Variants in NSD3 observed in about 807,000 individuals in gnomAD.
NSD3 encodes the protein histone-lysine N-methyltransferase NSD3.
Under a neutral mutation model 160.8 loss-of-function variants are expected in NSD3, and 24 were observed. That is an observed-to-expected ratio of 0.15 (90% CI 0.11 to 0.21). NSD3 has a LOEUF of 0.21. Ranked by LOEUF, NSD3 falls within the 10% of genes least tolerant of loss-of-function variation. The probability of loss-of-function intolerance (pLI) is 1.00; values close to 1 mark genes in which losing one functional copy is unlikely to be tolerated. For missense variants in NSD3, 1,157 were observed against 1,735.9 expected, an observed-to-expected ratio of 0.67 and a Z score of 5.93; for synonymous variants, 520 against 600.0, an observed-to-expected ratio of 0.87 and a Z score of 1.95.
intron 12 of NSD3, among the ~76,000 whole-genome samples, chr8:38,309,336 T>C (rs900968817): frequency 1.1e-4 from 16 of 151,972 alleles, no homozygotes; most frequent in African/African-American, 3.6e-4. Context: ...GGCGTGGTGG[T>C]GTGTGCTTGT....
intron 19 of NSD3, among the ~76,000 whole-genome samples, chr8:38,285,203 C>T (rs1225102886): frequency 4.6e-5 from 7 of 151,492 alleles, no homozygotes; most frequent in Non-Finnish European, 7.4e-5. Context: ...AAGGCTGTCA[C>T]TCAATATTTA....
At chr8:38,278,195 C>T (rs1163553495) in intron 22 of NSD3, 111 bp downstream of exon 22, 2 of 836,434 alleles carry the variant, frequency 2.4e-6, no homozygotes, top group Non-Finnish European at 3.6e-6. Flanking sequence ...GCCTTGGCCT[C>T]CCAAAGTGCT....
intron 1 of NSD3, among the ~76,000 whole-genome samples, chr8:38,375,075 C>T (rs1811356887): frequency 6.6e-6 from 1 of 152,022 alleles, no homozygotes; most frequent in East Asian, 1.9e-4. Flanking sequence ...TTTAAAAAGC[C>T]AAGTTATTCT....
chr8:38,291,757 G>T (rs1039934132), intron 16 of NSD3, among the ~76,000 whole-genome samples: 1 of 152,164 alleles, frequency 6.6e-6, no homozygotes, highest in Non-Finnish European at 1.5e-5. Context: ...CTTCACTAAC[G>T]TCAGTTAGGA....
intron 1 of NSD3, among the ~76,000 whole-genome samples, chr8:38,350,936 A>G (rs1211910174): frequency 6.6e-6 from 1 of 151,208 alleles, no homozygotes; most frequent in East Asian, 1.9e-4. Flanking sequence ...TCCATATAAT[A>G]TTTTGATAAT....
At chr8:38,370,170 G>A (rs374200391) in intron 1 of NSD3, among the ~76,000 whole-genome samples, 10 of 152,188 alleles carry the variant, frequency 6.6e-5, no homozygotes, top group African/African-American at 2.2e-4. Flanking sequence ...TCGGGGGGAA[G>A]GTCAATTAGA....
At chr8:38,311,178 G>A (rs1809526340) in intron 12 of NSD3, among the ~76,000 whole-genome samples, 1 of 150,430 alleles carries the variant, frequency 6.6e-6, no homozygotes, top group Non-Finnish European at 1.5e-5. Flanking sequence ...GCTCCCCAGT[G>A]TGCTAGGATT....
chr8:38,356,176 C>G (rs1056736572), intron 1 of NSD3, among the ~76,000 whole-genome samples: 6 of 152,094 alleles, frequency 3.9e-5, no homozygotes, highest in African/African-American at 1.4e-4. Context: ...ATAAATTCAT[C>G]CTCTGAACAA....
Position 38,289,503 on chromosome 8 carries a change from G to A in NSD3, c.3121C>T (p.Leu1041=). The A allele has an allele frequency of 6.2e-7, 1 of 1,612,856 alleles. No homozygotes were observed. Among genetic ancestry groups the A allele is most frequent in the South Asian group, 1.1e-5 (1 of 90,864 alleles). Reference sequence around the variant, plus strand: ...TGGAAACGTTTTGCAGCTTCTTCCAGTGCTGCCAATAAGATGATACAAAGT... The same window carrying A: ...TGGAAACGTTTTGCAGCTTCTTCCAATGCTGCCAATAAGATGATACAAAGT... ...TSINKTFKKA[L]EEAAKRFQEL... Residue 1041 remains leucine (L), a splice_region_variant and synonymous_variant, in exon 18 of 24, where the codon CTG becomes TTG. Coordinates refer to ENST00000317025, the MANE Select transcript of NSD3 (RefSeq NM_023034.2).
At chr8:38,345,060 G>A (rs1810479439) in intron 2 of NSD3, among the ~76,000 whole-genome samples, 1 of 152,114 alleles carries the variant, frequency 6.6e-6, no homozygotes, top group South Asian at 2.1e-4. Context: ...CAAGAGCTGT[G>A]GGAGCTCTGG....
chr8:38,272,273 C>T lies in NSD3; in HGVS notation c.*3368G>A, dbSNP rs1808500018. On this transcript the variant is annotated 3_prime_UTR_variant, in exon 24 of 24. Coordinates refer to ENST00000317025, the MANE Select transcript of NSD3 (RefSeq NM_023034.2). Reference sequence around the variant, plus strand: ...GAAAATCCCAAATTTTAAATGATTCCCCAACTCAGCCAGTTCTATAGATGA... The same window carrying T: ...GAAAATCCCAAATTTTAAATGATTCTCCAACTCAGCCAGTTCTATAGATGA... 1.3e-5 allele frequency: 2 copies of T among 152,136 alleles called. No homozygotes were observed. Among genetic ancestry groups the T allele is most frequent in the African/African-American group, 2.4e-5 (1 of 41,440 alleles). 9.4% of individuals were successfully genotyped at this position (152,136 alleles called of 1,614,324 possible).
At chr8:38,325,986 A>G (rs1245515699) in intron 7 of NSD3, among the ~76,000 whole-genome samples, 1 of 151,948 alleles carries the variant, frequency 6.6e-6, no homozygotes, top group Admixed American at 6.6e-5. Flanking sequence ...TGTCTCTACT[A>G]AAAATACAAA....
intron 2 of NSD3, among the ~76,000 whole-genome samples, chr8:38,345,318 GGCAGAGAGGGGA>G (rs1810489086): frequency 7.3e-6 from 1 of 136,828 alleles, no homozygotes; most frequent in African/African-American, 2.8e-5. Flanking sequence ...GGAGGAATGG[GGCAGAGAGGGGA>G]GCAGGGAGAG....
intron 14 of NSD3, among the ~76,000 whole-genome samples, chr8:38,301,571 ACT>A (rs1809277461): frequency 6.6e-6 from 1 of 152,030 alleles, no homozygotes; most frequent in Admixed American, 6.6e-5. Flanking sequence ...CAAGAGCAAA[ACT>A]CTGTCTCAAA....
At chr8:38,346,186 A>C (rs1461703648) in intron 2 of NSD3, among the ~76,000 whole-genome samples, 1 of 147,660 alleles carries the variant, frequency 6.8e-6, no homozygotes. Context: ...GTATATATAC[A>C]TATATGTATA....
chr8:38,282,988 G>C (rs1039899320), intron 19 of NSD3, among the ~76,000 whole-genome samples: 1 of 152,194 alleles, frequency 6.6e-6, no homozygotes, highest in Non-Finnish European at 1.5e-5. Flanking sequence ...GGCCAGGAGT[G>C]TGTCTGCTGC....
chr8:38,350,161 T>C (rs761856306), intron 1 of NSD3, among the ~76,000 whole-genome samples: 11 of 152,212 alleles, frequency 7.2e-5, no homozygotes, highest in Non-Finnish European at 1.3e-4. Flanking sequence ...TGCGTGTGTC[T>C]TTATAGCAGC....
rs937512510 is a variant in NSD3 at position 38,319,150 on chromosome 8, A to C, written c.1810-210T>G. 1.0e-4 allele frequency: 53 copies of C among 527,906 alleles called. No homozygotes were observed. In the Middle Eastern group the frequency reaches 2.5e-3, roughly 25 times the overall value. 32.7% of individuals were successfully genotyped at this position (527,906 alleles called of 1,614,324 possible). A position where few individuals can be genotyped will look rare whatever the true frequency, so the allele number is the denominator to read the frequency against. On this transcript the variant is annotated intron_variant, in intron 8 of 23. Transcript: ENST00000317025. This position sits in a 1 kb window ranked among gnomAD's most constrained non-coding sequence, Gnocchi z 4.1. ...CTGCCTGTGCTGAATATCAAGTGAC[A>C]ACACACAGCCACATGCTCTCTAGCA... is the stretch of plus-strand genomic sequence containing the variant.
intron 1 of NSD3, among the ~76,000 whole-genome samples, chr8:38,352,023 A>G (rs976358665): frequency 7.0e-6 from 1 of 142,908 alleles, no homozygotes; most frequent in Non-Finnish European, 1.5e-5. Context: ...AAGTATAATT[A>G]AAAAAAAAAA....
Sources: gnomAD v4.1 joint callset for allele counts (sites outside exome capture counted in the v4.1 genomes callset) on GRCh38, gnomAD v4.1.1 for gene constraint, Gnocchi (gnomAD v3.1) non-coding constraint, MANE v1.5 for transcripts, NCBI Gene and HGNC (gene_info 2026-07-23, HGNC 2026-07-21) for gene names.